NRXN3: variants seen among roughly 807,000 people sequenced by gnomAD.
NRXN3 encodes the protein neurexin III.
In NRXN3, 32 loss-of-function variants were observed where a neutral mutation model predicts 137.6. The ratio of observed to expected loss-of-function variants is 0.23; its 90% confidence interval spans 0.18 to 0.31. NRXN3 has a LOEUF of 0.31. Ranked by LOEUF, NRXN3 falls within the 10% of genes least tolerant of loss-of-function variation. NRXN3 has a pLI of 1.00. For missense variants in NRXN3, 1,574 were observed against 2,062.5 expected, an observed-to-expected ratio of 0.76 and a Z score of 4.59; for synonymous variants, 798 against 784.5, an observed-to-expected ratio of 1.02 and a Z score of -0.29.
intron 4 of NRXN3, among the ~76,000 whole-genome samples, chr14:78,471,152 G>A (rs2095257985): frequency 6.6e-6 from 1 of 152,108 alleles, no homozygotes; most frequent in Admixed American, 6.6e-5. Flanking sequence ...TCCTGAGGAG[G>A]TCCTTGGAAA....
chr14:78,473,290 T>A (rs1179993657), intron 4 of NRXN3, among the ~76,000 whole-genome samples: 2 of 151,410 alleles, frequency 1.3e-5, no homozygotes, highest in South Asian at 4.2e-4. Context: ...TAGTCCCAGC[T>A]ACTCGGGAGG....
chr14:79,338,309 T>C (rs2092403232), intron 15 of NRXN3, among the ~76,000 whole-genome samples: 1 of 151,100 alleles, frequency 6.6e-6, no homozygotes, highest in African/African-American at 2.4e-5. Flanking sequence ...GAAATCCTAG[T>C]TCCACCTAGG....
intron 15 of NRXN3, among the ~76,000 whole-genome samples, chr14:79,259,187 C>G (rs1356072388): frequency 6.6e-6 from 1 of 152,130 alleles, no homozygotes; most frequent in Non-Finnish European, 1.5e-5. Context: ...CTTAGTTTGT[C>G]CCTTGGTAGG....
intron 15 of NRXN3, among the ~76,000 whole-genome samples, chr14:79,040,340 A>G (rs2099623102): frequency 1.3e-5 from 2 of 152,200 alleles, no homozygotes; most frequent in African/African-American, 4.8e-5. Context: ...GTAAACAAAT[A>G]CTTCTAACGC....
chr14:79,504,141 C>A (rs960114461), intron 16 of NRXN3, among the ~76,000 whole-genome samples: 1 of 152,170 alleles, frequency 6.6e-6, no homozygotes, highest in African/African-American at 2.4e-5. Flanking sequence ...AATGACCTCT[C>A]TGAAGTGATT....
At chr14:79,202,466 T>G (rs1170614934) in intron 15 of NRXN3, among the ~76,000 whole-genome samples, 1 of 152,042 alleles carries the variant, frequency 6.6e-6, no homozygotes, top group Non-Finnish European at 1.5e-5. Flanking sequence ...TTGTGAGATT[T>G]TGGTGCACCC....
At chr14:78,856,531 T>C (rs2099057528) in intron 10 of NRXN3, among the ~76,000 whole-genome samples, 2 of 152,302 alleles carry the variant, frequency 1.3e-5, no homozygotes, top group South Asian at 2.1e-4. Flanking sequence ...AGTAAGATCA[T>C]TGATGTGTGT....
intron 15 of NRXN3, among the ~76,000 whole-genome samples, chr14:79,394,353 T>C (rs937810559): frequency 1.3e-5 from 2 of 152,170 alleles, no homozygotes; most frequent in Non-Finnish European, 2.9e-5. Context: ...GTATCTCAGT[T>C]CTCGTGATTA....
chr14:78,770,857 G>T (rs111919638), intron 8 of NRXN3, among the ~76,000 whole-genome samples: 2 of 151,928 alleles, frequency 1.3e-5, no homozygotes, highest in Non-Finnish European at 2.9e-5. Context: ...GGTTGGGGGG[G>T]GTACAGCTAA....
chr14:78,371,572 C>G, intron 4 of NRXN3, among the ~76,000 whole-genome samples: 1 of 152,148 alleles, frequency 6.6e-6, no homozygotes, highest in East Asian at 1.9e-4. Flanking sequence ...TTAAGCTGTC[C>G]ATGGACAGCA....
intron 15 of NRXN3, among the ~76,000 whole-genome samples, chr14:79,034,376 A>ACACACACACACACACACACG (rs1294170428): frequency 6.6e-6 from 1 of 151,602 alleles, no homozygotes; most frequent in Non-Finnish European, 1.5e-5. Context: ...ACACACACAC[A>ACACACACACACACACACACG]CAGGTTTTTT....
At chr14:79,756,284 T>G (rs1330176860) in intron 19 of NRXN3, among the ~76,000 whole-genome samples, 5 of 152,200 alleles carry the variant, frequency 3.3e-5, no homozygotes, top group Non-Finnish European at 7.3e-5. Context: ...TACACTTTCC[T>G]TCTTCCTCTC....
At chr14:79,744,581 C>A (rs1376919327) in intron 19 of NRXN3, among the ~76,000 whole-genome samples, 1 of 152,156 alleles carries the variant, frequency 6.6e-6, no homozygotes, top group Non-Finnish European at 1.5e-5. Flanking sequence ...TTACTAACAT[C>A]AACGCTTCGC....
At chr14:78,759,385 C>A (rs2098683067) in intron 8 of NRXN3, among the ~76,000 whole-genome samples, 1 of 152,182 alleles carries the variant, frequency 6.6e-6, no homozygotes, top group South Asian at 2.1e-4. Flanking sequence ...AGGTAATACT[C>A]TTTAAGATAT....
At chr14:79,339,228 A>C (rs1402524594) in intron 15 of NRXN3, among the ~76,000 whole-genome samples, 1 of 152,214 alleles carries the variant, frequency 6.6e-6, no homozygotes, top group Admixed American at 6.5e-5. Flanking sequence ...GTTTCATTTA[A>C]ATACATTGTA....
At chr14:79,314,760 G>GACCCCCGAGCAGCCTAACTGGGAGGC (rs1273071357) in intron 15 of NRXN3, among the ~76,000 whole-genome samples, 2 of 147,398 alleles carry the variant, frequency 1.4e-5, no homozygotes, top group Non-Finnish European at 3.0e-5. Flanking sequence ...CCTGACCCCT[G>GACCCCCGAGCAGCCTAACTGGGAGGC]ACCCCCAAGC....
At chr14:79,280,262 G>A (rs369800871) in intron 15 of NRXN3, 10 of 1,612,296 alleles carry the variant, frequency 6.2e-6, no homozygotes, top group Non-Finnish European at 8.5e-6. Context: ...AATTCAAACT[G>A]CCCATCTGTA....
intron 2 of NRXN3, among the ~76,000 whole-genome samples, chr14:78,250,946 C>CAG (rs142667374): frequency 0.031 from 4,502 of 147,564 alleles, 189 homozygotes; most frequent in African/African-American, 0.096. Flanking sequence ...TCCTTCTAGC[C>CAG]AGAGAGAGAG....
At chr14:78,579,124 G>A (rs896551394) in intron 4 of NRXN3, among the ~76,000 whole-genome samples, 5 of 152,078 alleles carry the variant, frequency 3.3e-5, no homozygotes, top group Admixed American at 6.6e-5. Context: ...CAAGAACAAC[G>A]CAGTTGTCAC....
Sources: allele counts gnomAD v4.1 joint callset (sites outside exome capture counted in the v4.1 genomes callset), GRCh38; gene constraint gnomAD v4.1.1; transcripts MANE v1.5; gene names NCBI Gene and HGNC (gene_info 2026-07-23, HGNC 2026-07-21).